The following PEX14 variants were observed in gnomAD, a reference collection of about 807,000 sequenced individuals.
PEX14 encodes peroxisomal biogenesis factor 14, also known as peroxisomal membrane protein PEX14.
PEX14 carries 15 observed loss-of-function variants against 49.5 expected under a neutral mutation model. The ratio of observed to expected loss-of-function variants is 0.30; its 90% confidence interval spans 0.20 to 0.47. The LOEUF is 0.47. Among genes scored for constraint, PEX14 ranks in the 20% least tolerant of loss-of-function variants. The probability of loss-of-function intolerance (pLI) is 1.00; values close to 1 mark genes in which losing one functional copy is unlikely to be tolerated. For synonymous variants in PEX14, 210 were observed against 212.7 expected, an observed-to-expected ratio of 0.99 and a Z score of 0.11; for missense variants, 398 against 494.8, an observed-to-expected ratio of 0.80 and a Z score of 1.86.
chr1:10,586,131 A>G (rs1640477977), intron 3 of PEX14, among the ~76,000 whole-genome samples: 1 of 152,250 alleles, frequency 6.6e-6, no homozygotes, highest in Non-Finnish European at 1.5e-5. Context: ...AAACAGACAA[A>G]GCAATCCAGA....
chr1:10,574,403 T>C (rs1490737602), intron 3 of PEX14, among the ~76,000 whole-genome samples: 2 of 152,194 alleles, frequency 1.3e-5, no homozygotes, highest in African/African-American at 2.4e-5. Flanking sequence ...ATGTTCTGGA[T>C]CTCCGAGTGG....
chr1:10,536,755 C>T (rs149499049), intron 3 of PEX14, among the ~76,000 whole-genome samples: 40 of 152,194 alleles, frequency 2.6e-4, no homozygotes, highest in African/African-American at 8.2e-4. Flanking sequence ...GGGGTCAGTC[C>T]GATTTACAGA....
intron 2 of PEX14, among the ~76,000 whole-genome samples, chr1:10,523,823 G>GT (rs1638379495): frequency 1.6e-5 from 1 of 61,388 alleles, no homozygotes; most frequent in Admixed American, 2.3e-4. Flanking sequence ...TTTCCTTTTA[G>GT]TTAAAAAAAA....
intron 3 of PEX14, among the ~76,000 whole-genome samples, chr1:10,585,167 T>C (rs1640443399): frequency 6.6e-6 from 1 of 152,182 alleles, no homozygotes; most frequent in Non-Finnish European, 1.5e-5. Context: ...TGCAGACAAA[T>C]TCCATTGACG....
intron 4 of PEX14, 69 bp downstream of exon 4, chr1:10,599,435 T>A: frequency 6.4e-7 from 1 of 1,560,818 alleles, no homozygotes; most frequent in Non-Finnish European, 8.8e-7. Context: ...AGGGCAGTGT[T>A]CTGTATCTCC....
chr1:10,555,782 G>C (rs138703462), intron 3 of PEX14, among the ~76,000 whole-genome samples: 4 of 152,112 alleles, frequency 2.6e-5, no homozygotes, highest in Admixed American at 6.6e-5. Context: ...GCTGTTGCCC[G>C]TTCATTAGGT....
chr1:10,593,617 T>TA (rs1485974719), intron 3 of PEX14, among the ~76,000 whole-genome samples: 3 of 147,246 alleles, frequency 2.0e-5, no homozygotes, highest in African/African-American at 7.6e-5. Context: ...TGGGAATAGT[T>TA]AATCAGTGGA....
intron 8 of PEX14, 90 bp downstream of exon 8, chr1:10,627,453 C>A: frequency 1.1e-6 from 1 of 919,462 alleles, no homozygotes; most frequent in Admixed American, 1.8e-5. Flanking sequence ...GACGCCCACC[C>A]CCACCCCCAA....
intron 4 of PEX14, among the ~76,000 whole-genome samples, chr1:10,606,911 T>C (rs1460497620): frequency 6.6e-6 from 1 of 152,242 alleles, no homozygotes; most frequent in Non-Finnish European, 1.5e-5. Flanking sequence ...TACACCCATT[T>C]TAATTGTACA....
rs998043679 is a variant in PEX14 at position 10,522,155 on chromosome 1, C to T, written c.85-14058C>T. Among the ~76,000 whole-genome samples the T allele has an allele frequency of 3.3e-5, 5 of 152,130 alleles. No homozygotes were observed. The South Asian group carries it at 6.2e-4, about 19-fold the overall frequency. On this transcript the variant is annotated intron_variant, in intron 2 of 8. Transcript: ENST00000356607. The stretch of plus-strand genomic sequence containing the variant: ...AAAGGGCAAGGCTGCTCTTACCAAA[C>T]GAAAGAGCAGAATTTATGAAACTGT...
In PEX14 at chr1:10,613,353, C is replaced by G. The variant is rs1641324681; in HGVS notation, c.299-4979C>G. 1.3e-5 allele frequency among the ~76,000 whole-genome samples: 2 copies of G among 152,206 alleles called. No homozygotes were observed. The highest frequency in any genetic ancestry group is 4.8e-5 in the African/African-American group (2 of 41,462). On this transcript the variant is annotated intron_variant, in intron 4 of 8. Transcript: ENST00000356607. This position sits in a 1 kb window ranked among gnomAD's most constrained non-coding sequence, Gnocchi z 5.0. Reference sequence around the variant, plus strand: ...GCCCCCGCTCTACCATGGTTTTACCCAAACTGGAGCCTTTGCGCAGGCTGA... The same window carrying G: ...GCCCCCGCTCTACCATGGTTTTACCGAAACTGGAGCCTTTGCGCAGGCTGA...
intron 3 of PEX14, among the ~76,000 whole-genome samples, chr1:10,540,164 C>G (rs1638959277): frequency 6.6e-6 from 1 of 152,192 alleles, no homozygotes; most frequent in South Asian, 2.1e-4. Flanking sequence ...AGTAGAAACC[C>G]CGGTAGCAAA....
intron 2 of PEX14, among the ~76,000 whole-genome samples, chr1:10,525,500 C>T (rs953006718): frequency 3.9e-5 from 6 of 152,100 alleles, no homozygotes; most frequent in African/African-American, 1.4e-4. Flanking sequence ...TGTGGAGAGC[C>T]CATTTCTGGC....
At chr1:10,545,152 T>C (rs1228501865) in intron 3 of PEX14, among the ~76,000 whole-genome samples, 1 of 152,208 alleles carries the variant, frequency 6.6e-6, no homozygotes, top group Non-Finnish European at 1.5e-5. Flanking sequence ...CATAATTACT[T>C]TGAAGTTTGG....
intron 2 of PEX14, among the ~76,000 whole-genome samples, chr1:10,526,867 G>A (rs1157456671): frequency 1.3e-5 from 2 of 152,054 alleles, no homozygotes; most frequent in Non-Finnish European, 2.9e-5. Context: ...GTGGCATCCC[G>A]TTAGTAGCAG....
chr1:10,550,873 T>G (rs1042939632), intron 3 of PEX14, among the ~76,000 whole-genome samples: 4 of 152,206 alleles, frequency 2.6e-5, no homozygotes, highest in African/African-American at 9.6e-5. Context: ...TCTATACCTT[T>G]TCATATACAT....
intron 3 of PEX14, among the ~76,000 whole-genome samples, chr1:10,556,363 C>G (rs1377187311): frequency 1.3e-5 from 2 of 152,208 alleles, no homozygotes; most frequent in Non-Finnish European, 2.9e-5. Flanking sequence ...ACATCCGTCC[C>G]TGTACCCCTC....
intron 2 of PEX14, among the ~76,000 whole-genome samples, chr1:10,511,833 A>G (rs1051635443): frequency 7.2e-5 from 11 of 152,010 alleles, no homozygotes; most frequent in African/African-American, 2.4e-4. Context: ...TCTTCTGTGG[A>G]CTGCAGGACC....
At chr1:10,483,314 A>C (rs1641314007) in intron 1 of PEX14, among the ~76,000 whole-genome samples, 1 of 151,666 alleles carries the variant, frequency 6.6e-6, no homozygotes, top group African/African-American at 2.4e-5. Flanking sequence ...AACATGGCCA[A>C]GTTTTTCTTT....
Sources: gnomAD v4.1 joint callset for allele counts (sites outside exome capture counted in the v4.1 genomes callset) on GRCh38, gnomAD v4.1.1 for gene constraint, Gnocchi (gnomAD v3.1) non-coding constraint, MANE v1.5 for transcripts, NCBI Gene and HGNC (gene_info 2026-07-23, HGNC 2026-07-21) for gene names.